The following ARHGEF4 variants were observed in gnomAD, a reference collection of about 807,000 sequenced individuals.
ARHGEF4 encodes Rho guanine nucleotide exchange factor 4.
ARHGEF4 carries 119 observed loss-of-function variants against 162.0 expected under a neutral mutation model. That is an observed-to-expected ratio of 0.73 (90% CI 0.63 to 0.86). The LOEUF is 0.86. Among genes scored for constraint, ARHGEF4 ranks in the 40% least tolerant of loss-of-function variants. The pLI, the probability that ARHGEF4 is intolerant of heterozygous loss-of-function variation, is 0.00. For synonymous variants in ARHGEF4, 1,014 were observed against 979.9 expected (o/e 1.03, Z -0.65); for missense variants, 2,488 against 2,456.0 (o/e 1.01, Z -0.28).
chr2:130,930,858 T>A, intron 2 of ARHGEF4, 94 bp from the exon 3 acceptor site: 1 of 1,234,932 alleles, frequency 8.1e-7, no homozygotes, highest in East Asian at 2.4e-5. Context: ...CATAGTGTTA[T>A]ACCCAAAAGG....
rs142681275 is a variant in ARHGEF4 at position 130,945,499 on chromosome 2, C to A, written c.3859-1010C>A. ...GAATAGGGTGGGAGAAATCATCACT[C>A]AAATACACATCCCTCATTCCCTCAT... On this transcript the variant is annotated intron_variant, in intron 3 of 13. Coordinates refer to ENST00000409359, the MANE Select transcript of ARHGEF4 (RefSeq NM_001367493.1). Among the ~76,000 whole-genome samples the A allele has an allele frequency of 1.2e-4, 18 of 152,220 alleles. No individual in the cohort carries two copies. In the East Asian group the frequency reaches 3.5e-3, roughly 29 times the overall value.
intron 1 of ARHGEF4, among the ~76,000 whole-genome samples, chr2:130,847,346 G>T (rs761863513): frequency 5.3e-5 from 8 of 152,322 alleles, no homozygotes; most frequent in Non-Finnish European, 7.3e-5. Context: ...GAGGAGGCCG[G>T]GGGAAATTAT....
At chr2:130,945,181 A>G (rs1345250211) in intron 3 of ARHGEF4, among the ~76,000 whole-genome samples, 2 of 151,940 alleles carry the variant, frequency 1.3e-5, no homozygotes, top group Non-Finnish European at 2.9e-5. Flanking sequence ...CTTCTGCTTG[A>G]GACCCCTCCT....
intron 1 of ARHGEF4, among the ~76,000 whole-genome samples, chr2:130,860,519 A>T (rs1446627419): frequency 2.3e-5 from 2 of 86,180 alleles, no homozygotes; most frequent in African/African-American, 1.5e-4. Context: ...CCATCCTGGC[A>T]AACACGGTGA....
At chr2:130,975,975 G>A (rs539969238) in intron 4 of ARHGEF4, among the ~76,000 whole-genome samples, 31 of 152,266 alleles carry the variant, frequency 2.0e-4, no homozygotes, top group Non-Finnish European at 4.0e-4. Context: ...GGGGGCTCCC[G>A]GAGGCTAAAT....
intron 5 of ARHGEF4, among the ~76,000 whole-genome samples, chr2:131,030,378 C>T (rs1175542100): frequency 1.3e-5 from 2 of 152,188 alleles, no homozygotes; most frequent in Non-Finnish European, 2.9e-5. Context: ...GAAAGGCAGG[C>T]AATTTAGATT....
intron 4 of ARHGEF4, among the ~76,000 whole-genome samples, chr2:130,982,604 C>A (rs956849870): frequency 1.1e-5 from 1 of 88,964 alleles, no homozygotes; most frequent in African/African-American, 2.7e-5. Context: ...CCTTTCCCTC[C>A]TCCTCCTCCT....
chr2:130,865,614 G>A (rs1448960132), intron 1 of ARHGEF4, among the ~76,000 whole-genome samples: 1 of 152,198 alleles, frequency 6.6e-6, no homozygotes, highest in Non-Finnish European at 1.5e-5. Flanking sequence ...CCCCTGCGGT[G>A]CTGTCGACTG....
At chr2:130,973,130 A>G (rs1685474180) in intron 4 of ARHGEF4, among the ~76,000 whole-genome samples, 1 of 152,278 alleles carries the variant, frequency 6.6e-6, no homozygotes, top group South Asian at 2.1e-4. Context: ...ACCCCCAATT[A>G]AAACTGCTGG....
rs906400159 is a variant in ARHGEF4, at chr2:130,913,677, C to T, written c.40-309C>T. 2.6e-5 allele frequency among the ~76,000 whole-genome samples: 4 copies of T among 152,340 alleles called. No individual in the cohort carries two copies. In the Middle Eastern group the frequency reaches 0.01, roughly 389 times the overall value. On this transcript the variant is annotated intron_variant, in intron 1 of 13. Coordinates refer to ENST00000409359, the MANE Select transcript of ARHGEF4 (RefSeq NM_001367493.1). ...AAACGTTAGGCAGAGATATGCTTTT[C>T]GCCATGACTCATGCAACATTTTTAT...
intron 3 of ARHGEF4, among the ~76,000 whole-genome samples, chr2:130,938,488 C>G (rs1683096939): frequency 6.6e-6 from 1 of 152,146 alleles, no homozygotes; most frequent in Non-Finnish European, 1.5e-5. Flanking sequence ...AATGTCTTTT[C>G]TGTTCTTTTA....
chr2:131,034,866 C>T lies in ARHGEF4; in HGVS notation c.4126-3987C>T, dbSNP rs560231583. 3.6e-4 allele frequency: 192 copies of T among 533,384 alleles called. 1 individual carries two copies. Among genetic ancestry groups the T allele is most frequent in the African/African-American group, 3.5e-3 (169 of 48,676 alleles). 33.0% of individuals were successfully genotyped at this position (533,384 alleles called of 1,614,324 possible). A position where few individuals can be genotyped will look rare whatever the true frequency, so the allele number is the denominator to read the frequency against. ...CCGAGCCGCCGCGGTCCCTCTGAGCCTCTCCAGCCCGCCGCCGCCGCCGCC... is the reference window on the plus strand; with the variant it reads ...CCGAGCCGCCGCGGTCCCTCTGAGCTTCTCCAGCCCGCCGCCGCCGCCGCC... On this transcript the variant is annotated intron_variant, in intron 5 of 13. Transcript: ENST00000409359.
At chr2:130,907,301 G>A (rs1424770882) in intron 1 of ARHGEF4, among the ~76,000 whole-genome samples, 3 of 129,766 alleles carry the variant, frequency 2.3e-5, no homozygotes, top group Admixed American at 9.6e-5. Context: ...TGCAAGCTCC[G>A]CCTCCTGGGT....
At chr2:130,897,772 G>C (rs985626524) in intron 1 of ARHGEF4, among the ~76,000 whole-genome samples, 2 of 152,138 alleles carry the variant, frequency 1.3e-5, no homozygotes, top group Admixed American at 6.5e-5. Flanking sequence ...ACACACGGCT[G>C]GGTGGCGACT....
At chr2:130,904,499 G>T (rs1680694149) in intron 1 of ARHGEF4, among the ~76,000 whole-genome samples, 1 of 152,062 alleles carries the variant, frequency 6.6e-6, no homozygotes, top group Non-Finnish European at 1.5e-5. Context: ...AGAGAAAAAA[G>T]ACTCCATCCA....
intron 4 of ARHGEF4, among the ~76,000 whole-genome samples, chr2:130,960,047 G>A (rs78773985): frequency 0.021 from 3,179 of 152,130 alleles, 107 homozygotes; most frequent in African/African-American, 0.072. Context: ...ACATAATCAC[G>A]TTGCATGCAT....
chr2:130,853,280 G>C (rs1681540352), intron 1 of ARHGEF4, among the ~76,000 whole-genome samples: 1 of 152,196 alleles, frequency 6.6e-6, no homozygotes, highest in Non-Finnish European at 1.5e-5. Context: ...AGCTGGTGGA[G>C]GAGGGAGCCC....
chr2:131,038,789 C>CAG, intron 5 of ARHGEF4, 64 bp from the exon 6 acceptor site: 1 of 1,517,112 alleles, frequency 6.6e-7, no homozygotes, highest in African/African-American at 1.4e-5. Flanking sequence ...GGAGTGGAGA[C>CAG]AGAGAGCAGG....
At chr2:131,019,916 G>C (rs987470885) in intron 4 of ARHGEF4, among the ~76,000 whole-genome samples, 1 of 152,156 alleles carries the variant, frequency 6.6e-6, no homozygotes, top group African/African-American at 2.4e-5. Flanking sequence ...TTACAGGCGT[G>C]AGCCACCATG....
Sources: allele counts gnomAD v4.1 joint callset (sites outside exome capture counted in the v4.1 genomes callset), GRCh38; gene constraint gnomAD v4.1.1; transcripts MANE v1.5; gene names NCBI Gene and HGNC (gene_info 2026-07-23, HGNC 2026-07-21).